Variants in ERICH3 observed in about 807,000 individuals in gnomAD.
ERICH3 encodes the protein glutamate-rich protein 3.
A neutral mutation model predicts 131.1 loss-of-function variants in ERICH3; 126 were observed. The observed-to-expected ratio is 0.96, with a 90% confidence interval of 0.83 to 1.11. ERICH3 has a LOEUF of 1.11. Among genes scored for constraint, ERICH3 ranks in the 50% most tolerant of loss-of-function variants. The probability of loss-of-function intolerance (pLI) is 0.00; values close to 1 mark genes in which losing one functional copy is unlikely to be tolerated. For synonymous variants in ERICH3, 695 were observed against 644.6 expected (o/e 1.08, Z -1.18); for missense variants, 2,050 against 1,810.7 (o/e 1.13, Z -2.40).
intron 5 of ERICH3, 21 bp downstream of exon 5, chr1:74,641,310 G>T (rs769972514): frequency 6.2e-7 from 1 of 1,607,856 alleles, no homozygotes; most frequent in Non-Finnish European, 8.5e-7. Flanking sequence ...ACTGCATGAC[G>T]AAGTGTTTAA....
intron 12 of ERICH3, chr1:74,579,739 A>G: frequency 3.0e-6 from 3 of 985,400 alleles, no homozygotes; most frequent in Non-Finnish European, 3.6e-6. Flanking sequence ...CTCCCATTTC[A>G]GCAATGTGAC....
intron 12 of ERICH3, chr1:74,579,616 G>T (rs1647140496): frequency 1.0e-6 from 1 of 985,354 alleles, no homozygotes; most frequent in Non-Finnish European, 1.2e-6. Flanking sequence ...GCTTCACTTG[G>T]TCGTTTTTTC....
At chr1:74,594,271 G>GGTGTGTGTGT (rs1350415828) in intron 11 of ERICH3, among the ~76,000 whole-genome samples, 4 of 136,160 alleles carry the variant, frequency 2.9e-5, no homozygotes, top group African/African-American at 1.4e-4. Context: ...ACAAAAATGG[G>GGTGTGTGTGT]GCGTGTGTGT....
chr1:74,649,422 C>A, intron 1 of ERICH3, 107 bp from the exon 2 acceptor site: 1 of 721,910 alleles, frequency 1.4e-6, no homozygotes, highest in Non-Finnish European at 2.3e-6. Context: ...ACTCATGCAG[C>A]CTGCCAGTCA....
chr1:74,571,033 C>T, intron 14 of ERICH3, 66 bp downstream of exon 14: 3 of 1,529,932 alleles, frequency 2.0e-6, no homozygotes, highest in Admixed American at 3.8e-5. Context: ...CAAGCCAGCC[C>T]CAAGGGGAGG....
At chr1:74,646,102 G>T (rs1295114497) in intron 3 of ERICH3, among the ~76,000 whole-genome samples, 1 of 152,046 alleles carries the variant, frequency 6.6e-6, no homozygotes, top group Admixed American at 6.6e-5. Flanking sequence ...AAAATATGTT[G>T]TTGATGCTTG....
At position 74,571,560 on chromosome 1, in the gene ERICH3, C is replaced by T. The variant is rs1215638958; in HGVS notation, c.4150G>A (p.Glu1384Lys). ...TCATCCTGTTGGTGCCAGGTTTCTT[C>T]CTCAGCAACATCTGAAAAGGAGGAG... ...KASSFSDVAE[E>K]ETWHQQDELV... is the part of the protein sequence containing the mutation. The change falls in exon 14 of 15, where the codon GAA (glutamate) becomes AAA (lysine). Residue 1384 changes from glutamate to lysine, a missense_variant. Glu to Lys is a moderately conservative substitution (Grantham distance 56, BLOSUM62 1). Transcript: ENST00000326665. The T allele has an allele frequency of 3.1e-6, 5 of 1,614,064 alleles. No homozygotes were observed. The highest frequency in any genetic ancestry group is 1.7e-5 in the Admixed American group (1 of 60,004).
rs1001882297 is a variant in ERICH3 at position 74,570,260 on chromosome 1, A to G, written c.*198T>C. The G allele has an allele frequency of 6.6e-6, 1 of 152,208 alleles. No homozygotes were observed. The highest frequency in any genetic ancestry group is 1.5e-5 in the Non-Finnish European group (1 of 68,034). The allele number at this position is 152,208 out of a possible 1,614,324, so 9.4% of individuals were successfully genotyped here. On this transcript the variant is annotated 3_prime_UTR_variant, in exon 15 of 15. Coordinates refer to ENST00000326665, the MANE Select transcript of ERICH3 (RefSeq NM_001002912.5). ...CTTCTAAGAAGGGTCCTACAGATCT[A>G]CTTGAGCTATTCTCAAGGTGCTTAC...
At chr1:74,583,802 T>C (rs965880768) in intron 12 of ERICH3, among the ~76,000 whole-genome samples, 4 of 152,214 alleles carry the variant, frequency 2.6e-5, no homozygotes, top group Admixed American at 2.0e-4. Context: ...TCTAATTTGG[T>C]ATACGTTACA....
intron 3 of ERICH3, 87 bp from the exon 4 acceptor site, chr1:74,643,185 A>G: frequency 1.1e-6 from 1 of 876,970 alleles, no homozygotes. Flanking sequence ...ACAGATAACT[A>G]TATTCTCAAT....
chr1:74,652,159 A>AT (rs887139056), intron 1 of ERICH3, among the ~76,000 whole-genome samples: 7 of 152,280 alleles, frequency 4.6e-5, no homozygotes, highest in African/African-American at 1.4e-4. Context: ...CAATGCTGGA[A>AT]TTTTTTTAAC....
chr1:74,662,414 C>A (rs1467603527), intron 1 of ERICH3, among the ~76,000 whole-genome samples: 1 of 151,994 alleles, frequency 6.6e-6, no homozygotes, highest in Non-Finnish European at 1.5e-5. Context: ...GTGAAATATT[C>A]ATTTGTTGCA....
chr1:74,584,428 G>C (rs1009609675), intron 12 of ERICH3, among the ~76,000 whole-genome samples: 2 of 151,962 alleles, frequency 1.3e-5, no homozygotes, highest in African/African-American at 4.8e-5. Context: ...TTGTTTACTA[G>C]ACTCTGTCAC....
chr1:74,659,442 A>T (rs1316221776), intron 1 of ERICH3, among the ~76,000 whole-genome samples: 1 of 152,168 alleles, frequency 6.6e-6, no homozygotes, highest in Non-Finnish European at 1.5e-5. Flanking sequence ...AACTGAGAGA[A>T]GGGTAGTCAG....
chr1:74,644,385 T>C (rs888882945), intron 3 of ERICH3, among the ~76,000 whole-genome samples: 2 of 152,124 alleles, frequency 1.3e-5, no homozygotes, highest in Non-Finnish European at 2.9e-5. Flanking sequence ...AGTCCACCAA[T>C]GTTTTTGTCT....
At chr1:74,668,191 C>A (rs1646709389) in intron 1 of ERICH3, among the ~76,000 whole-genome samples, 1 of 152,108 alleles carries the variant, frequency 6.6e-6, no homozygotes, top group Non-Finnish European at 1.5e-5. Flanking sequence ...GAATCAATTT[C>A]TATTGCTCAA....
intron 1 of ERICH3, among the ~76,000 whole-genome samples, chr1:74,663,093 T>C (rs1000381648): frequency 6.6e-6 from 1 of 152,194 alleles, no homozygotes; most frequent in Non-Finnish European, 1.5e-5. Context: ...TTAACCCAAC[T>C]CTGCATCTAG....
chr1:74,655,580 C>T (rs768327215), intron 1 of ERICH3, among the ~76,000 whole-genome samples: 1 of 152,174 alleles, frequency 6.6e-6, no homozygotes, highest in Non-Finnish European at 1.5e-5. Context: ...TTACATGGGG[C>T]CCACCCACAT....
chr1:74,571,312 C>T lies in ERICH3; in HGVS notation c.4398G>A (p.Gln1466=), dbSNP rs1646939794. ...EAATGSGDGR[Q]ETGAAEKFRL... Reference sequence around the variant, plus strand: ...GGAATTTTTCAGCTGCTCCTGTCTCCTGCCTCCCATCGCCACTCCCAGTGG... The same window carrying T: ...GGAATTTTTCAGCTGCTCCTGTCTCTTGCCTCCCATCGCCACTCCCAGTGG... Residue 1466 remains glutamine, a synonymous_variant, in exon 14 of 15, where the codon CAG becomes CAA. Transcript: ENST00000326665. The T allele has an allele frequency of 6.2e-7, 1 of 1,614,092 alleles. No individual in the cohort carries two copies. Among genetic ancestry groups the T allele is most frequent in the African/African-American group, 1.3e-5 (1 of 75,012 alleles).
Sources: gnomAD v4.1 joint callset for allele counts (sites outside exome capture counted in the v4.1 genomes callset) on GRCh38, gnomAD v4.1.1 for gene constraint, MANE v1.5 for transcripts, NCBI Gene and HGNC (gene_info 2026-07-23, HGNC 2026-07-21) for gene names.